The following CHN2 variants were observed in gnomAD, a reference collection of about 807,000 sequenced individuals.
The protein encoded by CHN2 is chimerin 2, also known as beta-chimaerin.
Under a neutral mutation model 56.3 loss-of-function variants are expected in CHN2, and 35 were observed. The ratio of observed to expected loss-of-function variants is 0.62; its 90% CI spans 0.47 to 0.82. The LOEUF is 0.82. CHN2 is among the 40% of genes least tolerant of loss of function. The probability of loss-of-function intolerance (pLI) is 0.00; values close to 1 mark genes in which losing one functional copy is unlikely to be tolerated. For synonymous variants in CHN2, 210 were observed against 212.8 expected (o/e 0.99, Z 0.12); for missense variants, 491 against 580.5 (o/e 0.85, Z 1.58).
At chr7:29,495,523 T>C (rs1789171141) in intron 7 of CHN2, among the ~76,000 whole-genome samples, 1 of 152,216 alleles carries the variant, frequency 6.6e-6, no homozygotes, top group South Asian at 2.1e-4. Context: ...TAATCATGTC[T>C]TATTTATACC....
chr7:29,158,520 GTCTTTATGTGATAATATTGATACT>G (rs1174839957), intron 2 of CHN2, among the ~76,000 whole-genome samples: 5 of 36,734 alleles, frequency 1.4e-4, no homozygotes, highest in East Asian at 6.7e-4. Flanking sequence ...GTGTAGCCTA[GTCTTTATGTGATAATATTGATACT>G]TAAGTTTACC....
At chr7:29,240,473 G>T (rs1787565925) in intron 1 of CHN2, among the ~76,000 whole-genome samples, 1 of 152,210 alleles carries the variant, frequency 6.6e-6, no homozygotes, top group African/African-American at 2.4e-5. Flanking sequence ...ACAGTCTGAG[G>T]CAGAAAGCTA....
At chr7:29,411,665 C>T (rs1055124822) in intron 6 of CHN2, among the ~76,000 whole-genome samples, 1 of 152,158 alleles carries the variant, frequency 6.6e-6, no homozygotes, top group Admixed American at 6.5e-5. Context: ...AGGCCTTTCA[C>T]CCTCTTTCTG....
chr7:29,362,571 C>T (rs562135178), intron 2 of CHN2, among the ~76,000 whole-genome samples: 1 of 152,314 alleles, frequency 6.6e-6, no homozygotes, highest in East Asian at 1.9e-4. Context: ...GGTCCAGCCC[C>T]ACATGGCCTT....
chr7:29,293,055 TC>T, intron 1 of CHN2: 9 of 455,242 alleles, frequency 2.0e-5, no homozygotes, highest in Non-Finnish European at 3.1e-5. Flanking sequence ...CATGCCCCAC[TC>T]CCCGCTTCCA....
At chr7:29,404,635 G>C (rs1802483949) in intron 6 of CHN2, among the ~76,000 whole-genome samples, 3 of 152,132 alleles carry the variant, frequency 2.0e-5, no homozygotes, top group African/African-American at 7.2e-5. Flanking sequence ...ATCGTTATAT[G>C]GAAAAGTACC....
At chr7:29,283,902 C>A (rs1013000525) in intron 1 of CHN2, among the ~76,000 whole-genome samples, 68 of 147,540 alleles carry the variant, frequency 4.6e-4, no homozygotes, top group Middle Eastern at 3.6e-3. Context: ...CAGGCAGGAG[C>A]CACCGTTCCC....
chr7:29,326,399 G>T (rs1345582692), intron 1 of CHN2, among the ~76,000 whole-genome samples: 1 of 152,120 alleles, frequency 6.6e-6, no homozygotes, highest in Non-Finnish European at 1.5e-5. Flanking sequence ...CTTGTGATCC[G>T]CCTGCCTTGG....
intron 1 of CHN2, chr7:29,212,308 T>C: frequency 8.1e-7 from 1 of 1,240,820 alleles, no homozygotes; most frequent in Non-Finnish European, 1.2e-6. Context: ...AACATGAGTG[T>C]GGATCTGGCT....
At chr7:29,165,783 A>G (rs893327177) in intron 2 of CHN2, among the ~76,000 whole-genome samples, 5 of 152,108 alleles carry the variant, frequency 3.3e-5, no homozygotes, top group African/African-American at 9.7e-5. Flanking sequence ...GCTTTTCTGC[A>G]TATATTGAGG....
chr7:29,292,329 C>CCAAAATGCAAATAAG (rs1440749863), intron 1 of CHN2, among the ~76,000 whole-genome samples: 1 of 152,070 alleles, frequency 6.6e-6, no homozygotes, highest in Non-Finnish European at 1.5e-5. Flanking sequence ...AATCCATTTA[C>CCAAAATGCAAATAAG]CAAAAGAGCT....
intron 6 of CHN2, among the ~76,000 whole-genome samples, chr7:29,409,877 A>G (rs1371437814): frequency 6.6e-6 from 1 of 152,186 alleles, no homozygotes; most frequent in Non-Finnish European, 1.5e-5. Flanking sequence ...TTTGAGAGGA[A>G]TTGTCCCACC....
intron 6 of CHN2, among the ~76,000 whole-genome samples, chr7:29,432,605 A>G (rs1475812673): frequency 1.3e-5 from 2 of 152,238 alleles, no homozygotes; most frequent in East Asian, 3.9e-4. Context: ...GAAGGAATCA[A>G]CATCATTAGT....
At chr7:29,348,264 G>C (rs989015224) in intron 1 of CHN2, among the ~76,000 whole-genome samples, 1 of 152,234 alleles carries the variant, frequency 6.6e-6, no homozygotes, top group Middle Eastern at 3.4e-3. Context: ...TCAAAGACCA[G>C]AACAGCAGCA....
At chr7:29,298,840 A>G (rs757634770) in intron 1 of CHN2, among the ~76,000 whole-genome samples, 2 of 151,514 alleles carry the variant, frequency 1.3e-5, no homozygotes, top group African/African-American at 2.4e-5. Context: ...GTTTTGAAAC[A>G]TAATTTCTCT....
At chr7:29,278,481 AT>A (rs1460539624) in intron 1 of CHN2, among the ~76,000 whole-genome samples, 1 of 151,942 alleles carries the variant, frequency 6.6e-6, no homozygotes, top group Admixed American at 6.6e-5. Flanking sequence ...GCTGCCCAAA[AT>A]TGGCCCATGA....
chr7:29,421,334 C>A (rs1303770297), intron 6 of CHN2, among the ~76,000 whole-genome samples: 1 of 152,162 alleles, frequency 6.6e-6, no homozygotes, highest in Non-Finnish European at 1.5e-5. Flanking sequence ...AATTACCCCC[C>A]ATTTCCTGCC....
Position 29,512,822 on chromosome 7 carries a change from GTTTT to G in CHN2, c.*88_*91del. On this transcript the variant is annotated 3_prime_UTR_variant, in exon 13 of 13. Coordinates refer to ENST00000222792, the MANE Select transcript of CHN2 (RefSeq NM_004067.4). ...AAAAACATTTCTTACCACTTGATTT[GTTTT>G]CCAAGCAAGTGCTAGAATTTCCTGG... 2 of 1,445,526 alleles carry G rather than the reference GTTTT, an allele frequency of 1.4e-6. No individual in the cohort carries two copies. The highest frequency in any genetic ancestry group is 9.3e-7 in the Non-Finnish European group (1 of 1,072,412). 89.5% of individuals were successfully genotyped at this position (1,445,526 alleles called of 1,614,324 possible).
intron 7 of CHN2, among the ~76,000 whole-genome samples, chr7:29,489,214 T>G (rs532620133): frequency 6.6e-6 from 1 of 152,320 alleles, no homozygotes; most frequent in East Asian, 1.9e-4. Flanking sequence ...CAAACATACC[T>G]TATCTCGTGT....
Sources: allele counts gnomAD v4.1 joint callset (sites outside exome capture counted in the v4.1 genomes callset), GRCh38; gene constraint gnomAD v4.1.1; transcripts MANE v1.5; gene names NCBI Gene and HGNC (gene_info 2026-07-23, HGNC 2026-07-21).